Variants in TPST1 observed in about 807,000 individuals in gnomAD.
TPST1 encodes the protein tyrosylprotein sulfotransferase 1.
Under a neutral mutation model 34.8 loss-of-function variants are expected in TPST1, and 20 were observed. That is an observed-to-expected ratio of 0.57 (90% CI 0.40 to 0.84). TPST1 has a LOEUF of 0.84. Ranked by LOEUF, TPST1 falls within the 40% of genes least tolerant of loss-of-function variation. The pLI is 0.00. For synonymous variants in TPST1, 152 were observed against 159.4 expected (o/e 0.95, Z 0.35); for missense variants, 353 against 455.5 (o/e 0.78, Z 2.05).
At chr7:66,233,186 G>C (rs561254397) in intron 1 of TPST1, among the ~76,000 whole-genome samples, 2 of 151,614 alleles carry the variant, frequency 1.3e-5, no homozygotes, top group Non-Finnish European at 2.9e-5. Flanking sequence ...GTCCTTTGAA[G>C]CACAAAAATT....
intron 2 of TPST1, among the ~76,000 whole-genome samples, chr7:66,248,666 G>A (rs1461344600): frequency 1.3e-5 from 2 of 151,860 alleles, no homozygotes; most frequent in African/African-American, 2.4e-5. Flanking sequence ...ACCACACCCA[G>A]CTAATTTTTT....
intron 2 of TPST1, among the ~76,000 whole-genome samples, chr7:66,254,944 G>C (rs867049938): frequency 2.6e-5 from 4 of 151,664 alleles, no homozygotes; most frequent in Non-Finnish European, 5.9e-5. Flanking sequence ...TCAGGAGATC[G>C]AGACCATCCT....
In TPST1 at chr7:66,241,196, C is replaced by T. The variant is rs545872152; in HGVS notation, c.771C>T (p.Leu257=). The T allele has an allele frequency of 1.2e-6, 2 of 1,614,138 alleles. No individual in the cohort carries two copies. Among genetic ancestry groups the T allele is most frequent in the Non-Finnish European group, 1.7e-6 (2 of 1,180,016 alleles). ...GGATGAGAACACTCTTAAAGTTCCT[C>T]CAGATTCCATGGAACCACTCAGTAT... The part of the protein sequence containing the change: ...ERWMRTLLKF[L]QIPWNHSVLH... Residue 257 remains leucine, a synonymous_variant, in exon 2 of 6, where the codon CTC becomes CTT. Coordinates refer to ENST00000304842, the MANE Select transcript of TPST1 (RefSeq NM_003596.4).
intron 3 of TPST1, among the ~76,000 whole-genome samples, chr7:66,330,846 C>T (rs1240250957): frequency 6.6e-6 from 1 of 152,198 alleles, no homozygotes; most frequent in Non-Finnish European, 1.5e-5. Context: ...ACTCCTGATA[C>T]CAAAATCTGT....
intron 2 of TPST1, among the ~76,000 whole-genome samples, chr7:66,270,476 T>G (rs780080555): frequency 1.3e-5 from 2 of 152,212 alleles, no homozygotes; most frequent in Non-Finnish European, 2.9e-5. Context: ...TAGAAATCAC[T>G]TACTCTGCTT....
At chr7:66,342,565 G>A (rs1460396106) in intron 3 of TPST1, among the ~76,000 whole-genome samples, 5 of 152,096 alleles carry the variant, frequency 3.3e-5, no homozygotes, top group African/African-American at 1.2e-4. Flanking sequence ...AAAGAAGAGG[G>A]GTTTATTTGG....
At chr7:66,326,799 CT>C (rs1373717008) in intron 3 of TPST1, among the ~76,000 whole-genome samples, 1 of 152,170 alleles carries the variant, frequency 6.6e-6, no homozygotes, top group Non-Finnish European at 1.5e-5. Context: ...TAAATTCTAT[CT>C]ACTGTTGGAA....
At chr7:66,328,888 A>C (rs10276716) in intron 3 of TPST1, among the ~76,000 whole-genome samples, 533 of 24,802 alleles carry the variant, frequency 0.021, 5 homozygotes, top group African/African-American at 0.042. Flanking sequence ...CTCTCTCTCT[A>C]TATATATATA....
intron 1 of TPST1, among the ~76,000 whole-genome samples, chr7:66,212,650 G>A (rs1789289089): frequency 6.6e-6 from 1 of 151,886 alleles, no homozygotes; most frequent in Non-Finnish European, 1.5e-5. Context: ...AGTAGAGACG[G>A]GGTTTCACCA....
intron 3 of TPST1, among the ~76,000 whole-genome samples, chr7:66,305,430 A>G (rs1184995866): frequency 1.3e-5 from 2 of 152,196 alleles, no homozygotes; most frequent in Non-Finnish European, 2.9e-5. Context: ...GTTTTGCTCT[A>G]ATATCCCGTT....
intron 3 of TPST1, among the ~76,000 whole-genome samples, chr7:66,333,461 G>C (rs936970627): frequency 3.3e-5 from 5 of 152,192 alleles, no homozygotes; most frequent in Non-Finnish European, 7.3e-5. Flanking sequence ...CAGAAGGCCT[G>C]CTAGAGATGC....
At chr7:66,239,170 A>C (rs770761797) in intron 1 of TPST1, among the ~76,000 whole-genome samples, 1 of 152,066 alleles carries the variant, frequency 6.6e-6, no homozygotes, top group Non-Finnish European at 1.5e-5. Context: ...TTCTTTCTTA[A>C]AGAGACAGGG....
chr7:66,328,078 G>C (rs1264012790), intron 3 of TPST1, among the ~76,000 whole-genome samples: 2 of 122,684 alleles, frequency 1.6e-5, no homozygotes, highest in Non-Finnish European at 3.2e-5. Context: ...CCAGGCTGGA[G>C]TGCATTGGTG....
At chr7:66,255,133 G>A (rs892407247) in intron 2 of TPST1, among the ~76,000 whole-genome samples, 5 of 135,880 alleles carry the variant, frequency 3.7e-5, no homozygotes, top group Non-Finnish European at 6.2e-5. Flanking sequence ...GTGACAGAGC[G>A]AGACAACGTC....
At chr7:66,315,284 G>A (rs1584233154) in intron 3 of TPST1, among the ~76,000 whole-genome samples, 1 of 141,600 alleles carries the variant, frequency 7.1e-6, no homozygotes, top group Admixed American at 7.2e-5. Flanking sequence ...GCAAAGGGAG[G>A]GCACATGGTT....
At chr7:66,314,596 C>T (rs774307051) in intron 3 of TPST1, among the ~76,000 whole-genome samples, 5 of 152,156 alleles carry the variant, frequency 3.3e-5, no homozygotes, top group Non-Finnish European at 7.4e-5. Context: ...TGTTGCTTAA[C>T]GATGGGAATA....
At chr7:66,324,800 C>CAAAAAAAAAA (rs56389964) in intron 3 of TPST1, among the ~76,000 whole-genome samples, 17 of 109,270 alleles carry the variant, frequency 1.6e-4, no homozygotes, top group South Asian at 6.4e-4. Flanking sequence ...GACTCTGTCT[C>CAAAAAAAAAA]AAAAAAAAAA....
chr7:66,350,602 G>A (rs1385736709), intron 3 of TPST1, among the ~76,000 whole-genome samples: 1 of 152,064 alleles, frequency 6.6e-6, no homozygotes, highest in Non-Finnish European at 1.5e-5. Flanking sequence ...CTGAGCCTCC[G>A]AAGTAATGCA....
At chr7:66,232,816 A>G (rs1789826676) in intron 1 of TPST1, among the ~76,000 whole-genome samples, 1 of 152,102 alleles carries the variant, frequency 6.6e-6, no homozygotes, top group African/African-American at 2.4e-5. Context: ...AAGTGGTTGC[A>G]CCATTTTACA....
Sources: gnomAD v4.1 joint callset for allele counts (sites outside exome capture counted in the v4.1 genomes callset) on GRCh38, gnomAD v4.1.1 for gene constraint, MANE v1.5 for transcripts, NCBI Gene and HGNC (gene_info 2026-07-23, HGNC 2026-07-21) for gene names.